DST: variants seen among roughly 807,000 people sequenced by gnomAD.
The protein encoded by DST is dystonin.
Under a neutral mutation model 875.2 loss-of-function variants are expected in DST, and 253 were observed. The ratio of observed to expected loss-of-function variants is 0.29; its 90% CI spans 0.26 to 0.32. The LOEUF (loss-of-function observed/expected upper bound fraction) is 0.32. Ranked by LOEUF, DST falls within the 10% of genes least tolerant of loss-of-function variation. The pLI, the probability that DST is intolerant of heterozygous loss-of-function variation, is 1.00. For synonymous variants in DST, 3,124 were observed against 3,197.1 expected (o/e 0.98, Z 0.77); for missense variants, 8,287 against 9,111.6 (o/e 0.91, Z 3.68).
chr6:56,614,444 G>C lies in DST; in HGVS notation c.4970C>G (p.Ala1657Gly). Residue 1657 changes from alanine (A) to glycine (G), a missense_variant, in exon 37 of 104, where the codon GCC (alanine) becomes GGC (glycine). Around this residue, in one of 10 missense-constraint regions of DST, gnomAD observed 3,138 missense variants for 3,116.6 expected, o/e 1.01. Coordinates refer to ENST00000680361, the MANE Select transcript of DST (RefSeq NM_001374736.1). ...TGATACCCATTTTTGCAATTCTTTG[G>C]CTTTTTCAACATGTTCTTTCTTTTC... ...EEEKKEHVEK[A>G]KELQKWVSNI... 1 of 1,607,984 alleles carries C rather than the reference G, an allele frequency of 6.2e-7. No individual in the cohort carries two copies. The highest frequency in any genetic ancestry group is 8.5e-7 in the Non-Finnish European group (1 of 1,177,282).
intron 4 of DST, among the ~76,000 whole-genome samples, chr6:56,747,250 C>A (rs1332434372): frequency 6.6e-6 from 1 of 152,180 alleles, no homozygotes; most frequent in African/African-American, 2.4e-5. Context: ...ATGTAAACTA[C>A]AAATGCCATA....
Position 56,635,575 on chromosome 6 carries a change from T to C in DST, c.3186+14A>G, listed in dbSNP as rs777881986. 2 of 1,613,548 alleles carry C rather than the reference T, an allele frequency of 1.2e-6. No homozygotes were observed. The highest frequency in any genetic ancestry group is 2.2e-5 in the South Asian group (2 of 91,054). On this transcript the variant is annotated intron_variant, in intron 24 of 103. Transcript: ENST00000680361. ...TATGCATACTTATAAAATGCATAGG[T>C]TTTGTATTAGTACCATTGATTCCTG...
chr6:56,581,965 T>A (rs2098010363), intron 49 of DST, among the ~76,000 whole-genome samples: 1 of 152,190 alleles, frequency 6.6e-6, no homozygotes, highest in South Asian at 2.1e-4. Flanking sequence ...CACATGCAAA[T>A]CAACCATTTA....
chr6:56,818,324 A>G (rs994102578), intron 4 of DST, among the ~76,000 whole-genome samples: 1 of 152,152 alleles, frequency 6.6e-6, no homozygotes, highest in Non-Finnish European at 1.5e-5. Flanking sequence ...GGGGGGAACT[A>G]AGGTTCAGAA....
chr6:56,594,671 C>A (rs2098340383), intron 47 of DST, among the ~76,000 whole-genome samples: 1 of 152,066 alleles, frequency 6.6e-6, no homozygotes, highest in African/African-American at 2.4e-5. Flanking sequence ...AAAAAGGTTT[C>A]AAAAATAACT....
chr6:56,645,758 A>G, intron 15 of DST, 108 bp downstream of exon 15: 15 of 1,293,942 alleles, frequency 1.2e-5, no homozygotes, highest in Non-Finnish European at 1.6e-5. Flanking sequence ...AAGGATTAAG[A>G]GACTTATCCA....
chr6:56,684,081 G>A (rs1201258979), intron 9 of DST, among the ~76,000 whole-genome samples: 1 of 152,156 alleles, frequency 6.6e-6, no homozygotes, highest in Admixed American at 6.5e-5. Flanking sequence ...ATGTTAGTCA[G>A]CTGAATCTGT....
chr6:56,663,974 T>G (rs1018604269), intron 10 of DST, among the ~76,000 whole-genome samples: 4 of 152,102 alleles, frequency 2.6e-5, no homozygotes, highest in African/African-American at 9.7e-5. Context: ...ATGTTTAGCT[T>G]TTTTATTTTT....
At chr6:56,689,205 A>G (rs1332346629) in intron 9 of DST, among the ~76,000 whole-genome samples, 1 of 152,182 alleles carries the variant, frequency 6.6e-6, no homozygotes, top group Non-Finnish European at 1.5e-5. Flanking sequence ...CTCAACAAAT[A>G]GCATTATTAT....
rs778465983 is a variant in DST, at chr6:56,954,634, C to T, written c.-47G>A. 2.9e-5 allele frequency: 37 copies of T among 1,254,328 alleles called. 1 individual carries two copies. The highest frequency in any genetic ancestry group is 2.9e-4 in the Middle Eastern group (1 of 3,484). The allele number at this position is 1,254,328 out of a possible 1,614,324, so 77.7% of individuals were successfully genotyped here. A position where few individuals can be genotyped will look rare whatever the true frequency, so the allele number is the denominator to read the frequency against. On this transcript the variant is annotated 5_prime_UTR_variant, in exon 1 of 104. Coordinates refer to ENST00000680361, the MANE Select transcript of DST (RefSeq NM_001374736.1). ...ACTCGACGGCGGGGCTGGAGGGCGG[C>T]GGCACAGGCACCCGCGCTGGGCGCA...
intron 8 of DST, among the ~76,000 whole-genome samples, chr6:56,700,812 G>A (rs746800127): frequency 6.6e-6 from 1 of 152,024 alleles, no homozygotes; most frequent in Admixed American, 6.6e-5. Flanking sequence ...ACTTTCACTA[G>A]AATGATGAAT....
At chr6:56,903,407 G>A (rs1795008014) in intron 2 of DST, among the ~76,000 whole-genome samples, 1 of 152,144 alleles carries the variant, frequency 6.6e-6, no homozygotes, top group South Asian at 2.1e-4. Flanking sequence ...ATCTACCCTA[G>A]AGAAATTCTA....
chr6:56,464,843 G>C, intron 99 of DST, 87 bp from the exon 100 acceptor site: 1 of 1,013,594 alleles, frequency 9.9e-7, no homozygotes, highest in Non-Finnish European at 1.5e-6. Flanking sequence ...AATATGCAAA[G>C]GGTGCTCACA....
At chr6:56,801,804 C>T (rs749668116) in intron 4 of DST, among the ~76,000 whole-genome samples, 16 of 147,618 alleles carry the variant, frequency 1.1e-4, no homozygotes, top group Non-Finnish European at 1.9e-4. Context: ...GGCCGGAGCG[C>T]GATGGTATGA....
intron 46 of DST, 113 bp from the exon 47 acceptor site, chr6:56,598,119 A>G (rs2098409069): frequency 2.9e-6 from 3 of 1,045,410 alleles, no homozygotes; most frequent in Admixed American, 7.0e-5. Flanking sequence ...GGTACTAAAA[A>G]CTGACACAAT....
chr6:56,677,140 A>G (rs1012907775), intron 9 of DST, among the ~76,000 whole-genome samples: 5 of 152,216 alleles, frequency 3.3e-5, no homozygotes, highest in Admixed American at 3.3e-4. Flanking sequence ...TCAATTTAAA[A>G]AAACTTAAAT....
At chr6:56,696,414 G>A (rs975892950) in intron 9 of DST, among the ~76,000 whole-genome samples, 2 of 151,976 alleles carry the variant, frequency 1.3e-5, no homozygotes, top group Non-Finnish European at 2.9e-5. Context: ...CACCTGCCTC[G>A]GCCTCCCAAA....
rs578018185 is a variant in DST, at chr6:56,608,725, C to T, written c.5903G>A (p.Ser1968Asn). ...RITLKCGRNI[S>N]ILRAAHEGLI... is the part of the protein sequence containing the mutation. ...ACCTTCATGAGCTGCTCTTAAAATG[C>T]TTATGTTTCTTCCACATTTTAATGT... Residue 1968 changes from serine to asparagine, a missense_variant, in exon 40 of 104, where the codon AGC (serine) becomes AAC (asparagine). Physicochemically the swap from Ser to Asn is conservative, Grantham distance 46. Coordinates refer to ENST00000680361, the MANE Select transcript of DST (RefSeq NM_001374736.1). 11 of 1,610,956 alleles carry T rather than the reference C, an allele frequency of 6.8e-6. No individual in the cohort carries two copies. Among genetic ancestry groups the T allele is most frequent in the Middle Eastern group, 1.7e-4 (1 of 6,058 alleles).
intron 36 of DST, chr6:56,620,747 G>T: frequency 6.3e-7 from 1 of 1,577,020 alleles, no homozygotes; most frequent in Non-Finnish European, 8.7e-7. Flanking sequence ...TGTCAAGCCT[G>T]TTCTGTTCAA....
Sources: gnomAD v4.1 joint callset for allele counts (sites outside exome capture counted in the v4.1 genomes callset) on GRCh38, gnomAD v4.1.1 for gene constraint, gnomAD v4.1.1 regional missense constraint, MANE v1.5 for transcripts, NCBI Gene and HGNC (gene_info 2026-07-23, HGNC 2026-07-21) for gene names.